The following PRPF39 variants were observed in gnomAD, a reference collection of about 807,000 sequenced individuals.
PRPF39 encodes the protein pre-mRNA processing factor 39.
Under a neutral mutation model 82.1 loss-of-function variants are expected in PRPF39, and 27 were observed. The observed-to-expected ratio is 0.33, with a 90% CI of 0.24 to 0.45. PRPF39 has a LOEUF of 0.45. Ranked by LOEUF, PRPF39 falls within the 20% of genes least tolerant of loss-of-function variation. PRPF39 has a pLI of 1.00. For synonymous variants in PRPF39, 261 were observed against 256.4 expected, an observed-to-expected ratio of 1.02 and a Z score of -0.17; for missense variants, 581 against 796.9, an observed-to-expected ratio of 0.73 and a Z score of 3.26.
chr14:45,087,878 C>G (rs910768414), intron 1 of PRPF39, among the ~76,000 whole-genome samples: 1 of 151,944 alleles, frequency 6.6e-6, no homozygotes, highest in Non-Finnish European at 1.5e-5. Context: ...TGAGCCACTG[C>G]GCCCGGCCTC....
rs190771363 is a variant in PRPF39, at chr14:45,101,938, C to G, written c.570-591C>G. 5.0e-3 allele frequency among the ~76,000 whole-genome samples: 764 copies of G among 151,958 alleles called. 9 individuals carry two copies. Among genetic ancestry groups the G allele is most frequent in the African/African-American group, 0.017 (717 of 41,442 alleles). ...TCTCCTGCCTCAGCCTCCCAAGTAG[C>G]TGGGACTACAGGCATGTGCCACCAT... On this transcript the variant is annotated intron_variant, in intron 4 of 13. Coordinates refer to ENST00000355765, the MANE Select transcript of PRPF39 (RefSeq NM_017922.4).
Position 45,110,105 on chromosome 14 carries a change from C to T in PRPF39, c.1188C>T (p.Tyr396=). ...YEEFWIKYAK[Y]MENHSIEGVR... ...TTTTCTGTATGTAGTATGCCAAGTA[C>T]ATGGAAAACCATAGCATTGAAGGAG... is the stretch of plus-strand genomic sequence containing the variant. Residue 396 remains tyrosine (Y), a synonymous_variant, in exon 9 of 14, where the codon TAC becomes TAT. Transcript: ENST00000355765. The surrounding 1 kb of genome is among the most constrained non-coding windows in gnomAD (Gnocchi z 4.0). 2 of 1,613,256 alleles carry T rather than the reference C, an allele frequency of 1.2e-6. No individual in the cohort carries two copies. Among genetic ancestry groups the T allele is most frequent in the Non-Finnish European group, 1.7e-6 (2 of 1,179,422 alleles).
At chr14:45,099,150 T>G (rs1167472258) in intron 4 of PRPF39, among the ~76,000 whole-genome samples, 1 of 152,184 alleles carries the variant, frequency 6.6e-6, no homozygotes, top group Non-Finnish European at 1.5e-5. Flanking sequence ...AAATGAGCTT[T>G]GATGTGGATT....
At position 45,114,308 on chromosome 14, in the gene PRPF39, C is replaced by T. The variant is rs1338158261; in HGVS notation, c.1832+51C>T. On this transcript the variant is annotated intron_variant, in intron 12 of 13. Transcript: ENST00000355765. ...AAGGCGTGCTTCATTATGGAAATGC[C>T]TTCAAAGACAAATGTTTTTAAGTGT... 4.9e-6 allele frequency: 7 copies of T among 1,440,592 alleles called. No individual in the cohort carries two copies. The East Asian group carries it at 1.6e-4, about 33-fold the overall frequency. The allele number at this position is 1,440,592 out of a possible 1,614,324, so 89.2% of individuals were successfully genotyped here. A position where few individuals can be genotyped will look rare whatever the true frequency, so the allele number is the denominator to read the frequency against.
Position 45,096,295 on chromosome 14 carries a change from A to ATTT in PRPF39, c.450+86_450+88dup, listed in dbSNP as rs374922767. 8.9e-3 allele frequency: 11,343 copies of ATTT among 1,276,780 alleles called. 39 individuals carry two copies. The highest frequency in any genetic ancestry group is 0.035 in the African/African-American group (1,841 of 51,956). 79.1% of individuals were successfully genotyped at this position (1,276,780 alleles called of 1,614,324 possible). ...TAAGCCAATTAATAACAAAACAAAG[A>ATTT]TTTTTTTTTTTTTTTTTTTTTGGCT... On this transcript the variant is annotated intron_variant, in intron 3 of 13. Coordinates refer to ENST00000355765, the MANE Select transcript of PRPF39 (RefSeq NM_017922.4).
In PRPF39 at chr14:45,084,139, G is replaced by C. The variant is rs924752920; in HGVS notation, c.-130G>C. 6.5e-6 allele frequency: 1 copy of C among 153,436 alleles called. No homozygotes were observed. The highest frequency in any genetic ancestry group is 1.5e-5 in the Non-Finnish European group (1 of 68,662). The allele number at this position is 153,436 out of a possible 1,614,324, so 9.5% of individuals were successfully genotyped here. On this transcript the variant is annotated 5_prime_UTR_variant, in exon 1 of 14. Transcript: ENST00000355765. ...TCGTGCCCTGGACCAGGCGGCCGTG[G>C]CGCGGGTGGCGGCTGCTGTGCTGGC...
Position 45,096,202 on chromosome 14 carries a change from C to A in PRPF39, c.424C>A (p.His142Asn), listed in dbSNP as rs1353563091. ...WKKYADLEKR[H>N]DNIKPSDEVY... ...AAAGTATGCAGACCTTGAAAAGCGG[C>A]ACGACAACATTAAACCATCAGATGA... The change falls in exon 3 of 14, where the codon CAC (histidine) becomes AAC (asparagine). Residue 142 changes from histidine to asparagine, a missense_variant. Physicochemically the swap from His to Asn is moderately conservative, Grantham distance 68. Coordinates refer to ENST00000355765, the MANE Select transcript of PRPF39 (RefSeq NM_017922.4). 6.3e-7 allele frequency: 1 copy of A among 1,590,940 alleles called. No homozygotes were observed. Among genetic ancestry groups the A allele is most frequent in the South Asian group, 1.1e-5 (1 of 87,264 alleles).
chr14:45,087,770 G>C (rs1442461830), intron 1 of PRPF39, among the ~76,000 whole-genome samples: 1 of 125,190 alleles, frequency 8.0e-6, no homozygotes, highest in African/African-American at 3.0e-5. Context: ...TGTATTTTTA[G>C]TAGAGACGGG....
At chr14:45,092,786 G>A (rs1014772790) in intron 1 of PRPF39, among the ~76,000 whole-genome samples, 5 of 152,020 alleles carry the variant, frequency 3.3e-5, no homozygotes, top group Admixed American at 6.5e-5. Flanking sequence ...CATTGTAGTC[G>A]GTAAGGAATC....
chr14:45,111,631 CTTTTTTTTTTTT>C (rs58863567), intron 10 of PRPF39, among the ~76,000 whole-genome samples: 76 of 58,802 alleles, frequency 1.3e-3, no homozygotes, highest in Non-Finnish European at 1.8e-3. Context: ...TGCACCTGGG[CTTTTTTTTTTTT>C]TTTTTTTTTT....
chr14:45,111,662 A>C, intron 10 of PRPF39, among the ~76,000 whole-genome samples: 2 of 71,588 alleles, frequency 2.8e-5, no homozygotes, highest in Non-Finnish European at 5.0e-5. Flanking sequence ...TTTTTTTGAG[A>C]CAGAGTTTCA....
chr14:45,096,428 G>T (rs1258592653), intron 3 of PRPF39, 200 bp downstream of exon 3: 1 of 1,492,220 alleles, frequency 6.7e-7, no homozygotes. Context: ...TGGCAGGTGC[G>T]TTAAACCTCT....
At chr14:45,097,490 T>C (rs1884238683) in intron 4 of PRPF39, among the ~76,000 whole-genome samples, 1 of 152,218 alleles carries the variant, frequency 6.6e-6, no homozygotes, top group South Asian at 2.1e-4. Context: ...TTTTGTAGAA[T>C]GCACTAGAAA....
intron 5 of PRPF39, among the ~76,000 whole-genome samples, chr14:45,105,592 T>C (rs1229355716): frequency 6.6e-6 from 1 of 150,772 alleles, no homozygotes; most frequent in Admixed American, 6.7e-5. Context: ...AGTGGTGCAG[T>C]CTTGGCTCAC....
At chr14:45,090,389 A>AT (rs1206238818) in intron 1 of PRPF39, among the ~76,000 whole-genome samples, 2 of 151,844 alleles carry the variant, frequency 1.3e-5, no homozygotes, top group Admixed American at 1.3e-4. Flanking sequence ...TTTTTCTGTA[A>AT]TTTTTTCTCA....
chr14:45,114,170 TCTTTC>T lies in PRPF39; in HGVS notation c.1758-7_1758-3del, dbSNP rs749614989. The T allele has an allele frequency of 3.2e-6, 5 of 1,547,172 alleles. No homozygotes were observed. The highest frequency in any genetic ancestry group is 1.9e-5 in the Admixed American group (1 of 53,358). Reference sequence around the variant, plus strand: ...TTGTATATTCCAGAGGATATTTTTTTCTTTCCTTTCAGGCTTCTGAATGCTTATGA... The same window carrying T: ...TTGTATATTCCAGAGGATATTTTTTTCTTTCAGGCTTCTGAATGCTTATGA... On this transcript the variant is annotated splice_region_variant and splice_polypyrimidine_tract_variant and intron_variant, in intron 11 of 13. Transcript: ENST00000355765.
intron 1 of PRPF39, among the ~76,000 whole-genome samples, chr14:45,094,110 A>T (rs1415336608): frequency 6.6e-6 from 1 of 151,956 alleles, no homozygotes; most frequent in Non-Finnish European, 1.5e-5. Flanking sequence ...TTAATTAACT[A>T]CTATTAATAT....
chr14:45,105,699 G>A (rs950605510), intron 5 of PRPF39, among the ~76,000 whole-genome samples: 3 of 151,600 alleles, frequency 2.0e-5, no homozygotes, highest in Non-Finnish European at 4.4e-5. Context: ...GCTAATTTTT[G>A]TATTTTTGGT....
intron 4 of PRPF39, among the ~76,000 whole-genome samples, chr14:45,097,946 A>G (rs1884252422): frequency 6.6e-6 from 1 of 152,210 alleles, no homozygotes; most frequent in South Asian, 2.1e-4. Context: ...TGTGTTTAAC[A>G]GTAGATCTAT....
Sources: allele counts gnomAD v4.1 joint callset (sites outside exome capture counted in the v4.1 genomes callset), GRCh38; gene constraint gnomAD v4.1.1; non-coding constraint Gnocchi (gnomAD v3.1); transcripts MANE v1.5; gene names NCBI Gene and HGNC (gene_info 2026-07-23, HGNC 2026-07-21).